TIMP4: variants seen among roughly 807,000 people sequenced by gnomAD.
TIMP4 encodes the protein metalloproteinase inhibitor 4.
A neutral mutation model predicts 27.3 loss-of-function variants in TIMP4; 28 were observed. The observed-to-expected ratio is 1.03, with a 90% CI of 0.76 to 1.41. The LOEUF is 1.41. Ranked by LOEUF, TIMP4 falls within the 40% of genes most tolerant of loss-of-function variation. TIMP4 has a pLI of 0.00. For missense variants in TIMP4, 307 were observed against 285.5 expected (o/e 1.08, Z -0.54); for synonymous variants, 138 against 115.5 (o/e 1.20, Z -1.25).
rs1358022704 is a variant in TIMP4 at position 12,156,944 on chromosome 3, A to G, written c.238-10T>C. 8 of 1,606,380 alleles carry G rather than the reference A, an allele frequency of 5.0e-6. No homozygotes were observed. In the South Asian group the frequency reaches 7.7e-5, roughly 15 times the overall value. On this transcript the variant is annotated splice_polypyrimidine_tract_variant and intron_variant, in intron 2 of 4. Transcript: ENST00000287814. ...CAAACCCTTTGAACATCTGACAGGC[A>G]ATTACAAAAAAAGGCAATATTGGGT...
intron 4 of TIMP4, among the ~76,000 whole-genome samples, 194 bp downstream of exon 4, chr3:12,154,133 T>C (rs568177804): frequency 6.6e-6 from 1 of 152,362 alleles, no homozygotes; most frequent in East Asian, 1.9e-4. Flanking sequence ...GTCTGCCTCC[T>C]GTGATGGCCA....
chr3:12,158,682 C>G lies in TIMP4; in HGVS notation c.139+20G>C, dbSNP rs1471919895. ...CCCACAACCACCCCCTGCTGTGGACCTCGCGGACCTCGGACTCACCAAGTG... is the reference window on the plus strand; with the variant it reads ...CCCACAACCACCCCCTGCTGTGGACGTCGCGGACCTCGGACTCACCAAGTG... On this transcript the variant is annotated intron_variant, in intron 1 of 4. Coordinates refer to ENST00000287814, the MANE Select transcript of TIMP4 (RefSeq NM_003256.4). The G allele has an allele frequency of 1.2e-6, 2 of 1,609,078 alleles. No homozygotes were observed. The highest frequency in any genetic ancestry group is 1.7e-6 in the Non-Finnish European group (2 of 1,179,290).
chr3:12,158,127 C>T (rs917318393), intron 1 of TIMP4, among the ~76,000 whole-genome samples: 17 of 152,102 alleles, frequency 1.1e-4, no homozygotes, highest in South Asian at 6.2e-4. Flanking sequence ...AGCGCTAAGA[C>T]GGTTAGAGAT....
At chr3:12,154,578 C>T in intron 3 of TIMP4, 127 bp from the exon 4 acceptor site, 1 of 965,786 alleles carries the variant, frequency 1.0e-6, no homozygotes, top group Non-Finnish European at 1.6e-6. Flanking sequence ...TGGCATGGGG[C>T]TCAGTGAAGG....
rs1390002895 is a variant in TIMP4 at position 12,156,810 on chromosome 3, T to G, written c.352+10A>C. 6.2e-7 allele frequency: 1 copy of G among 1,609,932 alleles called. No individual in the cohort carries two copies. Among genetic ancestry groups the G allele is most frequent in the Non-Finnish European group, 8.5e-7 (1 of 1,176,256 alleles). On this transcript the variant is annotated intron_variant, in intron 3 of 4. Coordinates refer to ENST00000287814, the MANE Select transcript of TIMP4 (RefSeq NM_003256.4). ...TTATATTAAGGCCAGTTGTTGGTCT[T>G]TTAACTTACCAGTCAAGAGATACTG... is the stretch of plus-strand genomic sequence containing the variant.
intron 1 of TIMP4, among the ~76,000 whole-genome samples, chr3:12,157,814 C>A (rs1247159706): frequency 6.6e-6 from 1 of 152,134 alleles, no homozygotes; most frequent in Non-Finnish European, 1.5e-5. Context: ...GGAGGAGGAG[C>A]CCCTTCAGGG....
chr3:12,158,836 G>T lies in TIMP4; in HGVS notation c.5C>A (p.Pro2His), dbSNP rs1424764252. M[P>H]GSPRPAPSWV... is the part of the protein sequence containing the mutation. ...GCTTGGCGCGGGCCGAGGGCTCCCA[G>T]GCATGACACTGCAGATCCGCGACTG... The change falls in exon 1 of 5, where the codon CCT becomes CAT. Residue 2 changes from proline (P) to histidine (H), a missense_variant. By Grantham distance (77) the Pro-to-His change is moderately conservative (BLOSUM62 -2). Transcript: ENST00000287814. The T allele has an allele frequency of 6.3e-7, 1 of 1,584,482 alleles. No homozygotes were observed. The highest frequency in any genetic ancestry group is 2.3e-5 in the East Asian group (1 of 44,342).
intron 4 of TIMP4, 136 bp from the exon 5 acceptor site, chr3:12,153,848 C>G (rs1044193948): frequency 1.0e-6 from 1 of 952,640 alleles, no homozygotes. Flanking sequence ...AGTCCCCAGT[C>G]TTCTCCTGGA....
Position 12,157,411 on chromosome 3 carries a change from G to C in TIMP4, c.211C>G (p.Leu71Val). ...SADPADTEKM[L>V]RYEIKQIKMF... ...TTTATCTGTTTGATTTCATACCGGA[G>C]CATTTTTTCAGTGTCAGCAGGGTCT... The change falls in exon 2 of 5, where the codon CTC (leucine) becomes GTC (valine). Residue 71 changes from leucine (L) to valine (V), a missense_variant. By Grantham distance (32) the Leu-to-Val change is conservative. Coordinates refer to ENST00000287814, the MANE Select transcript of TIMP4 (RefSeq NM_003256.4). 6.2e-7 allele frequency: 1 copy of C among 1,614,170 alleles called. No homozygotes were observed. Among genetic ancestry groups the C allele is most frequent in the African/African-American group, 1.3e-5 (1 of 75,038 alleles).
In TIMP4 at chr3:12,153,508, G is replaced by A; in HGVS notation, c.*7C>T. On this transcript the variant is annotated 3_prime_UTR_variant, in exon 5 of 5. Transcript: ENST00000287814. The stretch of plus-strand genomic sequence containing the variant: ...TCTTGAAGGGATGTGATGGTCACTG[G>A]TCCCTACTAGGGCTGAACGATGTCA... 6.2e-7 allele frequency: 1 copy of A among 1,612,846 alleles called. No homozygotes were observed.
intron 3 of TIMP4, among the ~76,000 whole-genome samples, chr3:12,155,859 G>C (rs1697441353): frequency 6.6e-6 from 1 of 152,164 alleles, no homozygotes; most frequent in African/African-American, 2.4e-5. Context: ...GTTTGAAAGG[G>C]CCTGGTCTGC....
intron 3 of TIMP4, among the ~76,000 whole-genome samples, chr3:12,155,729 A>G (rs1239606167): frequency 1.3e-5 from 2 of 152,198 alleles, no homozygotes; most frequent in African/African-American, 4.8e-5. Flanking sequence ...ACCCTCAGTT[A>G]GACTTGACCT....
rs748722586 is a variant in TIMP4 at position 12,153,526 on chromosome 3, C to T, written c.664G>A (p.Val222Ile). The change falls in exon 5 of 5, where the codon GTT (valine) becomes ATT (isoleucine). Residue 222 changes from valine (V) to isoleucine (I), a missense_variant. Coordinates refer to ENST00000287814, the MANE Select transcript of TIMP4 (RefSeq NM_003256.4). ...GTCACTGGTCCCTACTAGGGCTGAACGATGTCAACAAACTCCTTCCTGAGA... is the reference window on the plus strand; with the variant it reads ...GTCACTGGTCCCTACTAGGGCTGAATGATGTCAACAAACTCCTTCCTGAGA... ...LPLRKEFVDI[V>I]QP 55 of 1,613,424 alleles carry T rather than the reference C, an allele frequency of 3.4e-5. No homozygotes were observed. The highest frequency in any genetic ancestry group is 1.8e-4 in the Admixed American group (11 of 60,026).
intron 1 of TIMP4, among the ~76,000 whole-genome samples, chr3:12,158,108 C>T (rs1697512064): frequency 6.6e-6 from 1 of 152,158 alleles, no homozygotes; most frequent in South Asian, 2.1e-4. Flanking sequence ...AACAGCACAG[C>T]ATAGTAGGAG....
rs1396026168 is a variant in TIMP4, at chr3:12,154,384, C to T, written c.420G>A (p.Leu140=). Residue 140 remains leucine, a synonymous_variant, in exon 4 of 5, where the codon CTG becomes CTA. Transcript: ENST00000287814. Reference sequence around the variant, plus strand: ...TCAGACTTTCCCTCTGCACCAAGGACAGGTCCTCCCAGGGCTCGATGTAGT... The same window carrying T: ...TCAGACTTTCCCTCTGCACCAAGGATAGGTCCTCCCAGGGCTCGATGTAGT... ...LCNYIEPWED[L]SLVQRESLNH... The T allele has an allele frequency of 6.2e-7, 1 of 1,614,208 alleles. No homozygotes were observed. Among genetic ancestry groups the T allele is most frequent in the South Asian group, 1.1e-5 (1 of 91,084 alleles).
chr3:12,154,595 T>C, intron 3 of TIMP4, 144 bp from the exon 4 acceptor site: 1 of 767,116 alleles, frequency 1.3e-6, no homozygotes, highest in South Asian at 1.9e-5. Flanking sequence ...AAGGGACCAA[T>C]AAATAAAACT....
At position 12,158,868 on chromosome 3, in the gene TIMP4, T is replaced by C. The variant is rs1487581036; in HGVS notation, c.-28A>G. 1.3e-6 allele frequency: 2 copies of C among 1,534,562 alleles called. No individual in the cohort carries two copies. Among genetic ancestry groups the C allele is most frequent in the Non-Finnish European group, 1.7e-6 (2 of 1,144,382 alleles). ...CACTGCAGATCCGCGACTGAGCCTGTGAGGTCTGGGGGACTGGACGGCCCC... is the reference window on the plus strand; with the variant it reads ...CACTGCAGATCCGCGACTGAGCCTGCGAGGTCTGGGGGACTGGACGGCCCC... On this transcript the variant is annotated 5_prime_UTR_variant, in exon 1 of 5. Coordinates refer to ENST00000287814, the MANE Select transcript of TIMP4 (RefSeq NM_003256.4).
intron 3 of TIMP4, among the ~76,000 whole-genome samples, chr3:12,155,479 C>T (rs1233030474): frequency 5.3e-5 from 8 of 152,196 alleles, no homozygotes; most frequent in Non-Finnish European, 1.0e-4. Context: ...GTCATTGCCA[C>T]TATCCTGTGC....
intron 1 of TIMP4, 117 bp downstream of exon 1, chr3:12,158,585 A>G (rs1460421102): frequency 3.4e-6 from 5 of 1,463,258 alleles, no homozygotes; most frequent in Non-Finnish European, 4.6e-6. Context: ...TCAGCAAGAG[A>G]CAACCGGTAA....
Sources: allele counts gnomAD v4.1 joint callset (sites outside exome capture counted in the v4.1 genomes callset), GRCh38; gene constraint gnomAD v4.1.1; transcripts MANE v1.5; gene names NCBI Gene and HGNC (gene_info 2026-07-23, HGNC 2026-07-21).